ENOX1: variants seen among roughly 807,000 people sequenced by gnomAD.
The protein encoded by ENOX1 is ecto-NOX disulfide-thiol exchanger 1, also known as candidate growth-related and time keeping constitutive hydroquinone (NADH) oxidase.
Under a neutral mutation model 82.5 loss-of-function variants are expected in ENOX1, and 42 were observed. That is an observed-to-expected ratio of 0.51 (90% CI 0.40 to 0.66). ENOX1 has a LOEUF of 0.66. Among genes scored for constraint, ENOX1 ranks in the 30% least tolerant of loss-of-function variants. ENOX1 has a pLI of 0.00. For synonymous variants in ENOX1, 271 were observed against 282.2 expected, an observed-to-expected ratio of 0.96 and a Z score of 0.40; for missense variants, 608 against 811.6, an observed-to-expected ratio of 0.75 and a Z score of 3.05.
intron 3 of ENOX1, among the ~76,000 whole-genome samples, chr13:43,468,127 T>C (rs1191273051): frequency 1.3e-5 from 2 of 152,150 alleles, no homozygotes; most frequent in South Asian, 2.1e-4. Flanking sequence ...TTTTTCAAGA[T>C]TGTTTTGGCT....
At chr13:43,602,963 G>A (rs1201767615) in intron 2 of ENOX1, among the ~76,000 whole-genome samples, 1 of 152,040 alleles carries the variant, frequency 6.6e-6, no homozygotes, top group African/African-American at 2.4e-5. Context: ...CCAACACATC[G>A]AGTGCTGAAC....
intron 2 of ENOX1, among the ~76,000 whole-genome samples, chr13:43,502,120 C>T (rs2077002230): frequency 6.6e-6 from 1 of 151,238 alleles, no homozygotes; most frequent in African/African-American, 2.4e-5. Context: ...ATTGGATAAC[C>T]TAGGAGAAAT....
intron 3 of ENOX1, among the ~76,000 whole-genome samples, chr13:43,416,846 AGGCCAAGGCAGGCC>A (rs2054620255): frequency 6.6e-6 from 1 of 152,318 alleles, no homozygotes; most frequent in South Asian, 2.1e-4. Context: ...GCACTTTTGG[AGGCCAAGGCAGGCC>A]GCTGGGAGGT....
intron 2 of ENOX1, among the ~76,000 whole-genome samples, chr13:43,513,061 C>A (rs1408425571): frequency 6.6e-6 from 1 of 152,088 alleles, no homozygotes; most frequent in Non-Finnish European, 1.5e-5. Context: ...GCAATCTCAG[C>A]ACTTTGGGAG....
At chr13:43,265,957 G>C (rs2044346763) in intron 13 of ENOX1, among the ~76,000 whole-genome samples, 1 of 152,208 alleles carries the variant, frequency 6.6e-6, no homozygotes, top group Non-Finnish European at 1.5e-5. Flanking sequence ...ACTAAAGACG[G>C]TTGCTTCTTT....
At chr13:43,673,780 T>A (rs1342791245) in intron 1 of ENOX1, among the ~76,000 whole-genome samples, 2 of 152,250 alleles carry the variant, frequency 1.3e-5, no homozygotes, top group African/African-American at 4.8e-5. Flanking sequence ...GTGTGCTCAC[T>A]CATTTTATAT....
intron 3 of ENOX1, among the ~76,000 whole-genome samples, chr13:43,430,530 CA>C (rs1276261605): frequency 3.3e-5 from 5 of 151,980 alleles, no homozygotes; most frequent in Admixed American, 2.0e-4. Context: ...AAATTCTGAT[CA>C]GAACTGGCAG....
intron 2 of ENOX1, among the ~76,000 whole-genome samples, chr13:43,598,399 T>C (rs923727018): frequency 6.6e-6 from 1 of 152,320 alleles, no homozygotes; most frequent in African/African-American, 2.4e-5. Flanking sequence ...ACATTTCTCC[T>C]ATCCTCAAGC....
chr13:43,709,207 T>C (rs548086654), intron 1 of ENOX1, among the ~76,000 whole-genome samples: 163 of 152,144 alleles, frequency 1.1e-3, no homozygotes, highest in Non-Finnish European at 1.8e-3. Context: ...ATTAGTTACC[T>C]GAGAAATGCA....
At chr13:43,281,558 G>A (rs534181659) in intron 12 of ENOX1, among the ~76,000 whole-genome samples, 3 of 151,312 alleles carry the variant, frequency 2.0e-5, no homozygotes, top group Admixed American at 2.0e-4. Flanking sequence ...CTGTGATGAA[G>A]TGCTCCTCTA....
intron 2 of ENOX1, among the ~76,000 whole-genome samples, chr13:43,663,904 T>C (rs2153786974): frequency 6.6e-6 from 1 of 152,312 alleles, no homozygotes; most frequent in South Asian, 2.1e-4. Context: ...CTTCCTCATT[T>C]TTATATTACC....
chr13:43,532,481 T>C (rs957577582), intron 2 of ENOX1, among the ~76,000 whole-genome samples: 1 of 152,176 alleles, frequency 6.6e-6, no homozygotes, highest in Non-Finnish European at 1.5e-5. Context: ...TTTTACTGTG[T>C]TGACATTTGC....
chr13:43,305,640 G>A (rs1398419193), intron 11 of ENOX1, among the ~76,000 whole-genome samples: 2 of 152,160 alleles, frequency 1.3e-5, no homozygotes, highest in African/African-American at 4.8e-5. Context: ...ACTAGGAGGT[G>A]CTGCTGGGCT....
chr13:43,295,013 T>C (rs922810638), intron 12 of ENOX1, among the ~76,000 whole-genome samples: 2 of 152,220 alleles, frequency 1.3e-5, no homozygotes, highest in Admixed American at 6.5e-5. Context: ...AACTGATTTA[T>C]ATATTGATTG....
intron 2 of ENOX1, among the ~76,000 whole-genome samples, chr13:43,569,044 G>T (rs1297576283): frequency 1.3e-5 from 2 of 152,164 alleles, no homozygotes; most frequent in African/African-American, 4.8e-5. Context: ...AATGGCTGAG[G>T]TCTCTTTGGA....
intron 2 of ENOX1, among the ~76,000 whole-genome samples, chr13:43,524,061 A>G (rs2077887659): frequency 1.3e-5 from 2 of 152,044 alleles, no homozygotes; most frequent in African/African-American, 4.8e-5. Flanking sequence ...TCCATCCTCC[A>G]TGGCTACAGC....
At chr13:43,561,174 G>T (rs1318371158) in intron 2 of ENOX1, among the ~76,000 whole-genome samples, 1 of 114,352 alleles carries the variant, frequency 8.7e-6, no homozygotes, top group Non-Finnish European at 1.8e-5. Flanking sequence ...ATATTTTAGG[G>T]TTTTGCACCT....
At chr13:43,367,465 C>T (rs1045524443) in intron 5 of ENOX1, among the ~76,000 whole-genome samples, 4 of 152,052 alleles carry the variant, frequency 2.6e-5, no homozygotes, top group African/African-American at 9.7e-5. Flanking sequence ...AGAAAAGACA[C>T]AGACACACAG....
chr13:43,524,810 A>C (rs965546185), intron 2 of ENOX1, among the ~76,000 whole-genome samples: 3 of 151,986 alleles, frequency 2.0e-5, no homozygotes, highest in African/African-American at 7.2e-5. Context: ...ACCCTGCTTA[A>C]TTTTTCTTCA....
Sources: gnomAD v4.1 joint callset for allele counts (sites outside exome capture counted in the v4.1 genomes callset) on GRCh38, gnomAD v4.1.1 for gene constraint, MANE v1.5 for transcripts, NCBI Gene and HGNC (gene_info 2026-07-23, HGNC 2026-07-21) for gene names.